Variants in CNTNAP5 observed in about 807,000 individuals in gnomAD.
CNTNAP5 encodes contactin associated protein family member 5.
In CNTNAP5, 72 loss-of-function variants were observed where a neutral mutation model predicts 150.2. The ratio of observed to expected loss-of-function variants is 0.48; its 90% CI spans 0.40 to 0.58. The LOEUF is 0.58. CNTNAP5 is among the 20% of genes least tolerant of loss of function. The probability of loss-of-function intolerance (pLI) is 0.00; values close to 1 mark genes in which losing one functional copy is unlikely to be tolerated. For synonymous variants in CNTNAP5, 672 were observed against 619.8 expected (o/e 1.08, Z -1.25); for missense variants, 1,636 against 1,626.2 (o/e 1.01, Z -0.10).
intron 11 of CNTNAP5, among the ~76,000 whole-genome samples, chr2:124,599,274 A>G (rs1696922203): frequency 6.6e-6 from 1 of 152,148 alleles, no homozygotes; most frequent in African/African-American, 2.4e-5. Context: ...CAATTATCTC[A>G]ATACCACATG....
chr2:124,435,643 G>A (rs1301700127), intron 5 of CNTNAP5, among the ~76,000 whole-genome samples: 5 of 152,110 alleles, frequency 3.3e-5, no homozygotes, highest in African/African-American at 9.7e-5. Flanking sequence ...AAGAAGGAAA[G>A]AAATTGCAAA....
At chr2:124,264,566 A>G (rs537367026) in intron 3 of CNTNAP5, among the ~76,000 whole-genome samples, 4 of 152,264 alleles carry the variant, frequency 2.6e-5, no homozygotes, top group South Asian at 4.1e-4. Flanking sequence ...CTCCAGAATC[A>G]TGTCTGAGGG....
chr2:124,039,441 A>C (rs1206971346), intron 1 of CNTNAP5, among the ~76,000 whole-genome samples: 1 of 152,198 alleles, frequency 6.6e-6, no homozygotes, highest in African/African-American at 2.4e-5. Flanking sequence ...CTTATAGTGC[A>C]GTGCTCCCTC....
At chr2:124,528,301 G>A (rs545921784) in intron 10 of CNTNAP5, among the ~76,000 whole-genome samples, 1 of 152,164 alleles carries the variant, frequency 6.6e-6, no homozygotes, top group Non-Finnish European at 1.5e-5. Flanking sequence ...ACCAAGAAAT[G>A]CACCCTTATT....
At chr2:124,515,981 G>A (rs1485010311) in intron 8 of CNTNAP5, among the ~76,000 whole-genome samples, 1 of 152,132 alleles carries the variant, frequency 6.6e-6, no homozygotes, top group Non-Finnish European at 1.5e-5. Flanking sequence ...GATCTAGCAA[G>A]GTGTCCTCTA....
At chr2:124,131,572 G>A (rs1220740162) in intron 1 of CNTNAP5, among the ~76,000 whole-genome samples, 3 of 152,120 alleles carry the variant, frequency 2.0e-5, no homozygotes, top group Non-Finnish European at 4.4e-5. Context: ...GTGACTGATC[G>A]GGGGTAATAG....
chr2:124,617,881 G>A (rs1558706121), intron 12 of CNTNAP5, among the ~76,000 whole-genome samples: 1 of 152,134 alleles, frequency 6.6e-6, no homozygotes. Context: ...CTACTGGGCA[G>A]CAGATAATGC....
At chr2:124,184,320 G>A (rs1163571974) in intron 1 of CNTNAP5, among the ~76,000 whole-genome samples, 3 of 152,250 alleles carry the variant, frequency 2.0e-5, no homozygotes, top group South Asian at 2.1e-4. Flanking sequence ...TGGGGTGGGC[G>A]GAGCTTTGCA....
chr2:124,263,145 A>G (rs1687505174), intron 3 of CNTNAP5, among the ~76,000 whole-genome samples: 1 of 152,176 alleles, frequency 6.6e-6, no homozygotes, highest in Non-Finnish European at 1.5e-5. Flanking sequence ...CATGATTTAT[A>G]ATCCTTTGGG....
intron 13 of CNTNAP5, among the ~76,000 whole-genome samples, chr2:124,655,241 G>A (rs1405744810): frequency 6.6e-6 from 1 of 151,982 alleles, no homozygotes; most frequent in Non-Finnish European, 1.5e-5. Context: ...GGGAACATGT[G>A]GTGTTTGGTT....
intron 10 of CNTNAP5, among the ~76,000 whole-genome samples, chr2:124,555,595 A>G (rs1695734980): frequency 6.6e-6 from 1 of 152,172 alleles, no homozygotes; most frequent in Non-Finnish European, 1.5e-5. Context: ...AGGTTAAATG[A>G]TTTTATTTGG....
chr2:124,824,357 G>A (rs1682550760), intron 19 of CNTNAP5, among the ~76,000 whole-genome samples: 1 of 152,072 alleles, frequency 6.6e-6, no homozygotes, highest in Admixed American at 6.6e-5. Flanking sequence ...TTCCTCTGCT[G>A]TACTTTCAAA....
At chr2:124,860,497 TTCCTTCTTTCC>T (rs1313230272) in intron 19 of CNTNAP5, among the ~76,000 whole-genome samples, 1,397 of 88,372 alleles carry the variant, frequency 0.016, 57 homozygotes, top group East Asian at 0.043. Flanking sequence ...CCTTCCTTCC[TTCCTTCTTTCC>T]TTCCTTCCTT....
chr2:124,622,441 G>A (rs972359834), intron 12 of CNTNAP5, among the ~76,000 whole-genome samples: 1 of 152,090 alleles, frequency 6.6e-6, no homozygotes, highest in Non-Finnish European at 1.5e-5. Context: ...ACACATGCAT[G>A]TATTTTTATA....
At chr2:124,034,578 A>G (rs1018537847) in intron 1 of CNTNAP5, among the ~76,000 whole-genome samples, 3 of 152,232 alleles carry the variant, frequency 2.0e-5, no homozygotes, top group Non-Finnish European at 4.4e-5. Flanking sequence ...GGCCTTGGCC[A>G]GTGAAACTGC....
At chr2:124,545,255 C>T (rs1353440194) in intron 10 of CNTNAP5, among the ~76,000 whole-genome samples, 1 of 152,044 alleles carries the variant, frequency 6.6e-6, no homozygotes, top group East Asian at 1.9e-4. Flanking sequence ...ATTGACAGAA[C>T]TCCCAAAACC....
At chr2:124,424,851 A>G (rs549964050) in intron 4 of CNTNAP5, among the ~76,000 whole-genome samples, 1 of 152,350 alleles carries the variant, frequency 6.6e-6, no homozygotes, top group East Asian at 1.9e-4. Flanking sequence ...ATGGAGGTTT[A>G]GGAAACCAAG....
At chr2:124,557,235 T>C (rs1695779301) in intron 10 of CNTNAP5, among the ~76,000 whole-genome samples, 2 of 151,888 alleles carry the variant, frequency 1.3e-5, no homozygotes, top group South Asian at 2.1e-4. Context: ...ACTTCTCCAC[T>C]CAGAGAAACC....
At chr2:124,753,107 C>T (rs573876476) in intron 14 of CNTNAP5, among the ~76,000 whole-genome samples, 4 of 152,236 alleles carry the variant, frequency 2.6e-5, no homozygotes, top group South Asian at 2.1e-4. Context: ...CTTTGCCTCT[C>T]GCCCTTAGTG....
Sources: allele counts gnomAD v4.1 joint callset (sites outside exome capture counted in the v4.1 genomes callset), GRCh38; gene constraint gnomAD v4.1.1; transcripts MANE v1.5; gene names NCBI Gene and HGNC (gene_info 2026-07-23, HGNC 2026-07-21).